The following IL23R variants were observed in gnomAD, a reference collection of about 807,000 sequenced individuals.
IL23R encodes interleukin-23 receptor.
Under a neutral mutation model 56.9 loss-of-function variants are expected in IL23R, and 34 were observed. The observed-to-expected ratio is 0.60, with a 90% confidence interval of 0.45 to 0.80. The LOEUF (loss-of-function observed/expected upper bound fraction) is 0.80, where lower values mean the gene tolerates loss of function less well. Ranked by LOEUF, IL23R falls within the 30% of genes least tolerant of loss-of-function variation. The probability of loss-of-function intolerance (pLI) is 0.00; values close to 1 mark genes in which losing one functional copy is unlikely to be tolerated. For missense variants in IL23R, 635 were observed against 730.0 expected (o/e 0.87, Z 1.50); for synonymous variants, 230 against 249.2 (o/e 0.92, Z 0.73).
intron 1 of IL23R, among the ~76,000 whole-genome samples, chr1:67,147,711 TAAA>T (rs1646692419): frequency 6.6e-6 from 1 of 151,862 alleles, no homozygotes; most frequent in Non-Finnish European, 1.5e-5. Context: ...AAAAAAAAAA[TAAA>T]AAGATTGTAG....
chr1:67,214,638 G>A lies in IL23R; in HGVS notation c.799-4936G>A, dbSNP rs114425253. ...TCTGAAAACTTATTCAGAGACACTG[G>A]TAATATAATTCCTTTCTATTTTCTA... On this transcript the variant is annotated intron_variant, in intron 6 of 10. Coordinates refer to ENST00000347310, the MANE Select transcript of IL23R (RefSeq NM_144701.3). Among the ~76,000 whole-genome samples, 1,054 of 152,192 alleles carry A rather than the reference G, an allele frequency of 6.9e-3. 7 individuals carry two copies. Among genetic ancestry groups the A allele is most frequent in the South Asian group, 0.011 (53 of 4,822 alleles).
downstream of IL23R, among the ~76,000 whole-genome samples, chr1:67,261,366 A>G (rs1490049648): frequency 5.3e-5 from 7 of 130,842 alleles, no homozygotes. Flanking sequence ...ACTTTTTATC[A>G]TTTACTAAGG....
In IL23R at chr1:67,149,871, A is replaced by G. The variant is rs145887312; in HGVS notation, c.-634+10710A>G. On this transcript the variant is annotated intron_variant, in intron 1 of 10. Transcript: ENST00000637002. ...GTCTATTTTAGTCTCAAGATTCCAT[A>G]GTTTCATGGTATATACAGTTAACTA... Among the ~76,000 whole-genome samples the G allele has an allele frequency of 4.3e-4, 65 of 152,326 alleles. 1 individual carries two copies. In the East Asian group the frequency reaches 0.012, roughly 29 times the overall value.
At chr1:67,216,942 T>G (rs1415725123) in intron 6 of IL23R, among the ~76,000 whole-genome samples, 1 of 152,110 alleles carries the variant, frequency 6.6e-6, no homozygotes. Context: ...TAAAAATTAC[T>G]TGGGCAGAAA....
At chr1:67,237,145 C>T (rs1024292343) in intron 8 of IL23R, among the ~76,000 whole-genome samples, 6 of 152,158 alleles carry the variant, frequency 3.9e-5, no homozygotes, top group East Asian at 1.9e-4. Flanking sequence ...CAGGTTCAAG[C>T]GATTCTGCTG....
chr1:67,211,778 T>C (rs563392507), intron 6 of IL23R, among the ~76,000 whole-genome samples: 23 of 152,320 alleles, frequency 1.5e-4, no homozygotes, highest in African/African-American at 4.1e-4. Flanking sequence ...TTGAAACTCT[T>C]ATTCTCTGCT....
rs1372720055 is a variant in IL23R, at chr1:67,143,027, A to G, written c.-634+3866A>G. ...TCTCAGAGAGATTAAATAACTTGAC[A>G]ACTTTCTTAGATAGTGAGAGATTAA... is the stretch of plus-strand genomic sequence containing the variant. On this transcript the variant is annotated intron_variant, in intron 1 of 10. Coordinates refer to the IL23R transcript ENST00000637002. Among the ~76,000 whole-genome samples, 7 of 152,054 alleles carry G rather than the reference A, an allele frequency of 4.6e-5. No individual in the cohort carries two copies. The East Asian group carries it at 1.4e-3, about 30-fold the overall frequency.
intron 1 of IL23R, among the ~76,000 whole-genome samples, chr1:67,167,709 G>T (rs1361247245): frequency 6.6e-6 from 1 of 152,104 alleles, no homozygotes; most frequent in East Asian, 1.9e-4. Flanking sequence ...GGGCTACAGA[G>T]CCTGGCCCTT....
chr1:67,223,703 C>A (rs1270860837), intron 7 of IL23R, among the ~76,000 whole-genome samples: 1 of 151,924 alleles, frequency 6.6e-6, no homozygotes, highest in African/African-American at 2.4e-5. Flanking sequence ...TATTTTATAT[C>A]CTGATTTTCT....
intron 6 of IL23R, among the ~76,000 whole-genome samples, chr1:67,213,572 C>A (rs201223751): frequency 6.6e-6 from 1 of 152,146 alleles, no homozygotes; most frequent in Non-Finnish European, 1.5e-5. Context: ...ATAAACTTAT[C>A]ATGCAGCTGA....
At chr1:67,264,834 A>G (rs1344494950), downstream of IL23R, among the ~76,000 whole-genome samples, 1 of 152,222 alleles carries the variant, frequency 6.6e-6, no homozygotes, top group Non-Finnish European at 1.5e-5. Flanking sequence ...ACAAGTTATT[A>G]TCTAATTCTC....
chr1:67,172,383 GCTATC>G (rs1433852318), intron 3 of IL23R, among the ~76,000 whole-genome samples: 1 of 152,142 alleles, frequency 6.6e-6, no homozygotes, highest in Non-Finnish European at 1.5e-5. Flanking sequence ...TCCTTGAAAA[GCTATC>G]CAAATATATT....
chr1:67,197,057 A>G lies in IL23R; in HGVS notation c.492-3680A>G, dbSNP rs866118725. 9.2e-5 allele frequency among the ~76,000 whole-genome samples: 14 copies of G among 152,350 alleles called. 1 individual carries two copies. In the East Asian group the frequency reaches 2.7e-3, roughly 29 times the overall value. ...GAAGCTGAGAAGGGAGTGAGCCCAG[A>G]AAAAGGGGTCAGGGAAAAGGCAAAC... On this transcript the variant is annotated intron_variant, in intron 4 of 10. Transcript: ENST00000347310.
upstream of IL23R, among the ~76,000 whole-genome samples, chr1:67,165,445 C>A (rs773603340): frequency 6.6e-6 from 1 of 152,116 alleles, no homozygotes; most frequent in Non-Finnish European, 1.5e-5. Flanking sequence ...ACCTTAGGAT[C>A]CAGCAATCCC....
chr1:67,247,318 T>G (rs1652295067), intron 9 of IL23R, among the ~76,000 whole-genome samples: 2 of 152,144 alleles, frequency 1.3e-5, no homozygotes, highest in East Asian at 3.9e-4. Flanking sequence ...TTTTTTTTTT[T>G]TTTGAGATGG....
chr1:67,197,146 T>G (rs891582604), intron 4 of IL23R, among the ~76,000 whole-genome samples: 11 of 151,924 alleles, frequency 7.2e-5, no homozygotes, highest in Non-Finnish European at 7.4e-5. Flanking sequence ...GGTGGAAGGC[T>G]GGAGGGGGAC....
intron 7 of IL23R, among the ~76,000 whole-genome samples, chr1:67,228,391 T>C (rs1650885457): frequency 8.6e-6 from 1 of 115,656 alleles, no homozygotes; most frequent in Non-Finnish European, 1.8e-5. Context: ...AGAGACAGGG[T>C]TTCACCATGT....
chr1:67,225,473 T>C (rs1225352704), intron 7 of IL23R, among the ~76,000 whole-genome samples: 1 of 151,782 alleles, frequency 6.6e-6, no homozygotes, highest in Non-Finnish European at 1.5e-5. Flanking sequence ...GCACTGTTTC[T>C]CATAGTAGGG....
chr1:67,163,211 G>A (rs1646838013), upstream of IL23R, among the ~76,000 whole-genome samples: 2 of 152,096 alleles, frequency 1.3e-5, no homozygotes, highest in South Asian at 4.1e-4. Context: ...ACTCATGCCT[G>A]TAATCCCAGC....
Sources: allele counts gnomAD v4.1 joint callset (sites outside exome capture counted in the v4.1 genomes callset), GRCh38; gene constraint gnomAD v4.1.1; transcripts MANE v1.5; gene names NCBI Gene and HGNC (gene_info 2026-07-23, HGNC 2026-07-21).